The following ARHGEF10L variants were observed in gnomAD, a reference collection of about 807,000 sequenced individuals.
ARHGEF10L encodes Rho guanine nucleotide exchange factor 10 like, also known as rho guanine nucleotide exchange factor 10-like protein.
A neutral mutation model predicts 141.2 loss-of-function variants in ARHGEF10L; 69 were observed. The ratio of observed to expected loss-of-function variants is 0.49; its 90% CI spans 0.40 to 0.60. ARHGEF10L has a LOEUF of 0.60. Ranked by LOEUF, ARHGEF10L falls within the 20% of genes least tolerant of loss-of-function variation. The probability of loss-of-function intolerance (pLI) is 0.00; values close to 1 mark genes in which losing one functional copy is unlikely to be tolerated. For synonymous variants in ARHGEF10L, 711 were observed against 718.5 expected, an observed-to-expected ratio of 0.99 and a Z score of 0.17; for missense variants, 1,482 against 1,734.3, an observed-to-expected ratio of 0.85 and a Z score of 2.58.
chr1:17,674,073 T>A (rs576486803), intron 26 of ARHGEF10L, among the ~76,000 whole-genome samples: 9 of 152,214 alleles, frequency 5.9e-5, no homozygotes, highest in African/African-American at 2.2e-4. Flanking sequence ...TGGCAAAATA[T>A]CTGTGAGCAG....
rs373272146 is a variant in ARHGEF10L at position 17,581,220 on chromosome 1, G to A, written c.37+588G>A. Among the ~76,000 whole-genome samples the A allele has an allele frequency of 1.7e-4, 24 of 141,584 alleles. No individual in the cohort carries two copies. In the South Asian group the frequency reaches 4.8e-3, roughly 28 times the overall value. 92.9% of individuals were successfully genotyped at this position (141,584 alleles called of 152,430 possible). A position where few individuals can be genotyped will look rare whatever the true frequency, so the allele number is the denominator to read the frequency against. On this transcript the variant is annotated intron_variant, in intron 2 of 28. Transcript: ENST00000361221. ...TCAGCTACTTGAGAGGCTGAGGCAG[G>A]AGAATTGCTTGAACCTGGGAGATGG...
intron 4 of ARHGEF10L, among the ~76,000 whole-genome samples, chr1:17,591,094 C>A (rs867737358): frequency 1.3e-5 from 2 of 152,218 alleles, no homozygotes; most frequent in African/African-American, 4.8e-5. Context: ...CTGACTCTGG[C>A]AGCTGTAGAG....
At chr1:17,543,289 A>G (rs534832376) in intron 1 of ARHGEF10L, among the ~76,000 whole-genome samples, 9 of 152,192 alleles carry the variant, frequency 5.9e-5, no homozygotes, top group Admixed American at 1.3e-4. Flanking sequence ...CAACCATTAT[A>G]AAAAATTCTG....
chr1:17,626,510 C>T (rs1055308513), intron 14 of ARHGEF10L, among the ~76,000 whole-genome samples: 12 of 152,118 alleles, frequency 7.9e-5, no homozygotes, highest in Non-Finnish European at 1.5e-5. Flanking sequence ...CATCAGGGAG[C>T]TGAGAGGGTG....
chr1:17,687,599 G>C lies in ARHGEF10L; in HGVS notation c.3036G>C (p.Glu1012Asp). The change falls in exon 27 of 29, where the codon GAG becomes GAC. Residue 1012 changes from glutamate (E) to aspartate (D), a missense_variant. Physicochemically the swap from Glu to Asp is conservative, Grantham distance 45. Transcript: ENST00000361221. ...AAAGCTTCGAGGCGCACCAGGACGA[G>C]GCAGTGAGCGTGACACACATGGTGA... is the stretch of plus-strand genomic sequence containing the variant. The part of the protein sequence containing the change: ...PQQSFEAHQD[E>D]AVSVTHMVKA... The C allele has an allele frequency of 6.2e-7, 1 of 1,613,164 alleles. No homozygotes were observed. The highest frequency in any genetic ancestry group is 8.5e-7 in the Non-Finnish European group (1 of 1,179,942).
chr1:17,671,679 C>G (rs891449255), intron 26 of ARHGEF10L, among the ~76,000 whole-genome samples: 3 of 152,210 alleles, frequency 2.0e-5, no homozygotes, highest in Admixed American at 1.3e-4. Context: ...GCCCCTCCCC[C>G]ATTAGACCCG....
At position 17,587,583 on chromosome 1, in the gene ARHGEF10L, G is replaced by A. The variant is rs560053707; in HGVS notation, c.161G>A (p.Ser54Asn). 59 of 1,614,170 alleles carry A rather than the reference G, an allele frequency of 3.7e-5. No individual in the cohort carries two copies. The highest frequency in any genetic ancestry group is 2.9e-4 in the African/African-American group (22 of 75,064). Reference sequence around the variant, plus strand: ...ACCAGCGCAGCCCTGGGCGTCCCCAGCCTTGCTCCTGAGAGGGACACAGAC... The same window carrying A: ...ACCAGCGCAGCCCTGGGCGTCCCCAACCTTGCTCCTGAGAGGGACACAGAC... ...EDTSAALGVP[S>N]LAPERDTDPP... The change falls in exon 3 of 29, where the codon AGC (serine) becomes AAC (asparagine). Residue 54 changes from serine to asparagine, a missense_variant. Transcript: ENST00000361221.
chr1:17,589,822 T>TG (rs1459448867), intron 4 of ARHGEF10L, among the ~76,000 whole-genome samples: 1 of 152,056 alleles, frequency 6.6e-6, no homozygotes, highest in African/African-American at 2.4e-5. Context: ...TGGTGGGAGA[T>TG]GCAGATGCGT....
chr1:17,624,178 G>C (rs1035184850), intron 12 of ARHGEF10L, among the ~76,000 whole-genome samples: 6 of 152,208 alleles, frequency 3.9e-5, no homozygotes, highest in Non-Finnish European at 8.8e-5. Flanking sequence ...GTGACCTCAG[G>C]CCAGCCTCTC....
intron 16 of ARHGEF10L, among the ~76,000 whole-genome samples, chr1:17,633,978 G>A (rs2060851182): frequency 6.6e-6 from 1 of 152,182 alleles, no homozygotes; most frequent in African/African-American, 2.4e-5. Flanking sequence ...ACCTGGCTCT[G>A]TGCCAGTTCA....
In ARHGEF10L at chr1:17,607,923, C is replaced by T; in HGVS notation, c.555C>T (p.Ala185=). The part of the protein sequence containing the change: ...ESYSEDSGEE[A]KPEVEVEPAK... ...ACAGCGAGGACTCGGGGGAGGAGGC[C>T]AAGCCGGAGGTCGAGGTCGAGCCCG... The change falls in exon 7 of 29, where the codon GCC becomes GCT. Residue 185 remains alanine (A), a synonymous_variant. Coordinates refer to ENST00000361221, the MANE Select transcript of ARHGEF10L (RefSeq NM_018125.4). The surrounding 1 kb of genome is among the most constrained non-coding windows in gnomAD (Gnocchi z 4.5). 1 of 1,525,606 alleles carries T rather than the reference C, an allele frequency of 6.6e-7. No individual in the cohort carries two copies. Among genetic ancestry groups the T allele is most frequent in the Non-Finnish European group, 8.8e-7 (1 of 1,139,042 alleles). 94.5% of individuals were successfully genotyped at this position (1,525,606 alleles called of 1,614,324 possible).
At position 17,637,903 on chromosome 1, in the gene ARHGEF10L, G is replaced by A. The variant is rs1383112293; in HGVS notation, c.1943G>A (p.Gly648Asp). Residue 648 changes from glycine to aspartate, a missense_variant, in exon 19 of 29, where the codon GGC becomes GAC. Physicochemically the swap from Gly to Asp is moderately conservative, Grantham distance 94. Around this residue, in one of 3 missense-constraint regions of ARHGEF10L, gnomAD observed 858 missense variants for 966.3 expected, o/e 0.89. Coordinates refer to ENST00000361221, the MANE Select transcript of ARHGEF10L (RefSeq NM_018125.4). Reference protein sequence around the residue: ...SGQAQNKVYLGPPRLFQELQD... With the variant: ...SGQAQNKVYLDPPRLFQELQD... ...CTCTGCCCAGATAAGGTGTACCTCG[G>A]CCCCCCACGCCTCTTCCAGGAGCTG... 2 of 1,590,922 alleles carry A rather than the reference G, an allele frequency of 1.3e-6. No individual in the cohort carries two copies. The highest frequency in any genetic ancestry group is 8.6e-7 in the Non-Finnish European group (1 of 1,168,540).
In ARHGEF10L at chr1:17,638,519, C is replaced by G. The variant is rs775718517; in HGVS notation, c.2044-43C>G. ...AGGATCTGGTGTGGCTTTTGGGGAG[C>G]CAGTGTGCTGTGTGGTGACCTCATT... On this transcript the variant is annotated intron_variant, in intron 19 of 28. Transcript: ENST00000361221. The G allele has an allele frequency of 4.3e-6, 7 of 1,611,592 alleles. No individual in the cohort carries two copies. In the Admixed American group the frequency reaches 1.0e-4, roughly 23 times the overall value.
In ARHGEF10L at chr1:17,675,005, C is replaced by T. The variant is rs145002995; in HGVS notation, c.3009+10410C>T. Among the ~76,000 whole-genome samples the T allele has an allele frequency of 6.9e-3, 1,051 of 152,234 alleles. 27 individuals carry two copies. Among genetic ancestry groups the T allele is most frequent in the African/African-American group, 0.024 (999 of 41,524 alleles). On this transcript the variant is annotated intron_variant, in intron 26 of 28. Transcript: ENST00000361221. The stretch of plus-strand genomic sequence containing the variant: ...GCATTATTCCTGTCGTTAAGCAACA[C>T]GTGGCTGTATCATATAAGTTCTTGA...
At chr1:17,616,058 G>A (rs766485467) in intron 8 of ARHGEF10L, 36 bp from the exon 9 acceptor site, 11 of 1,588,756 alleles carry the variant, frequency 6.9e-6, no homozygotes, top group Middle Eastern at 1.7e-4. Flanking sequence ...ATCCCAGGCC[G>A]TCCCTTCCCT....
chr1:17,533,691 C>T, the ARHGEF10L span, among the ~76,000 whole-genome samples: 22 of 152,254 alleles, frequency 1.4e-4, no homozygotes, highest in Admixed American at 1.4e-3. Context: ...CTCCGTGCAT[C>T]CCAGCCCCCC....
In ARHGEF10L at chr1:17,656,149, G is replaced by A; in HGVS notation, c.2705+47G>A. The A allele has an allele frequency of 6.5e-7, 1 of 1,535,156 alleles. No individual in the cohort carries two copies. ...GTGAGAGCAGCCTCTGCAGGGCTGGGCAGTGGGTGGGGGCTGTCCCTGTAG... is the reference window on the plus strand; with the variant it reads ...GTGAGAGCAGCCTCTGCAGGGCTGGACAGTGGGTGGGGGCTGTCCCTGTAG... On this transcript the variant is annotated intron_variant, in intron 24 of 28. Transcript: ENST00000361221. This position sits in a 1 kb window ranked among gnomAD's most constrained non-coding sequence, Gnocchi z 4.9.
intron 1 of ARHGEF10L, among the ~76,000 whole-genome samples, chr1:17,556,415 G>GTGAAA (rs1250344259): frequency 6.6e-6 from 1 of 152,166 alleles, no homozygotes; most frequent in Non-Finnish European, 1.5e-5. Flanking sequence ...TTCCTCATCT[G>GTGAAA]TGAAATGAAG....
intron 4 of ARHGEF10L, among the ~76,000 whole-genome samples, 173 bp from the exon 5 acceptor site, chr1:17,601,954 T>C (rs1320554265): frequency 1.3e-5 from 2 of 152,172 alleles, no homozygotes; most frequent in Non-Finnish European, 2.9e-5. Context: ...GCACGCCTTC[T>C]AAAGATGAGG....
Sources: gnomAD v4.1 joint callset for allele counts (sites outside exome capture counted in the v4.1 genomes callset) on GRCh38, gnomAD v4.1.1 for gene constraint, gnomAD v4.1.1 regional missense constraint, Gnocchi (gnomAD v3.1) non-coding constraint, MANE v1.5 for transcripts, NCBI Gene and HGNC (gene_info 2026-07-23, HGNC 2026-07-21) for gene names.